CERS3: variants seen among roughly 807,000 people sequenced by gnomAD.
CERS3 encodes ceramide synthase 3.
Under a neutral mutation model 50.3 loss-of-function variants are expected in CERS3, and 33 were observed. The ratio of observed to expected loss-of-function variants is 0.66; its 90% CI spans 0.50 to 0.88. The LOEUF (loss-of-function observed/expected upper bound fraction) is 0.88. Ranked by LOEUF, CERS3 falls within the 40% of genes least tolerant of loss-of-function variation. The probability of loss-of-function intolerance (pLI) is 0.00; values close to 1 mark genes in which losing one functional copy is unlikely to be tolerated. For synonymous variants in CERS3, 176 were observed against 155.2 expected, an observed-to-expected ratio of 1.13 and a Z score of -0.99; for missense variants, 470 against 460.3, an observed-to-expected ratio of 1.02 and a Z score of -0.19.
intron 2 of CERS3, among the ~76,000 whole-genome samples, chr15:100,508,557 C>A (rs955930131): frequency 8.5e-5 from 13 of 152,312 alleles, no homozygotes; most frequent in Admixed American, 5.2e-4. Flanking sequence ...GTGAAAAATT[C>A]TTGAGCCTTC....
chr15:100,417,178 A>G (rs2031985268), intron 11 of CERS3, among the ~76,000 whole-genome samples: 1 of 151,688 alleles, frequency 6.6e-6, no homozygotes, highest in Non-Finnish European at 1.5e-5. Flanking sequence ...TACCAGGTTC[A>G]TCTCACTAGG....
chr15:100,442,692 C>T (rs1567618524), intron 11 of CERS3, among the ~76,000 whole-genome samples: 2 of 152,204 alleles, frequency 1.3e-5, no homozygotes, highest in African/African-American at 4.8e-5. Context: ...ACTCCCAGAG[C>T]CCCTGGAACT....
rs74042236 is a variant in CERS3, at chr15:100,535,391, T to G, written c.-354-6316A>C. ...GGGTTCATACCATGTGCCAGGCACA[T>G]CACATCTTTTGAAGGAGCTAAGGAT... On this transcript the variant is annotated intron_variant, in intron 1 of 12. Coordinates refer to the CERS3 transcript ENST00000284382. 3.2e-3 allele frequency among the ~76,000 whole-genome samples: 486 copies of G among 152,320 alleles called. 2 individuals carry two copies. The highest frequency in any genetic ancestry group is 0.011 in the African/African-American group (454 of 41,570).
At chr15:100,487,366 A>C (rs1271778368) in intron 4 of CERS3, among the ~76,000 whole-genome samples, 3 of 152,220 alleles carry the variant, frequency 2.0e-5, no homozygotes, top group Non-Finnish European at 4.4e-5. Flanking sequence ...TATATGTATT[A>C]ACTCAATTTG....
intron 11 of CERS3, among the ~76,000 whole-genome samples, chr15:100,429,334 A>G (rs961240412): frequency 1.3e-5 from 2 of 152,138 alleles, no homozygotes; most frequent in African/African-American, 4.8e-5. Flanking sequence ...GAAACTCTGG[A>G]GGCTATCGGA....
chr15:100,438,612 C>CT (rs35277612), intron 11 of CERS3, among the ~76,000 whole-genome samples: 78,027 of 152,068 alleles, frequency 0.51, 20,283 homozygotes, highest in Non-Finnish European at 0.56. Context: ...TGAATTTGGT[C>CT]TAGGCTTTGG....
Position 100,421,447 on chromosome 15 carries a change from T to C in CERS3, c.1000-18582A>G, listed in dbSNP as rs550390140. Among the ~76,000 whole-genome samples the C allele has an allele frequency of 2.6e-5, 4 of 152,144 alleles. No individual in the cohort carries two copies. The South Asian group carries it at 8.3e-4, about 32-fold the overall frequency. On this transcript the variant is annotated intron_variant, in intron 11 of 11. Transcript: ENST00000679737. The stretch of plus-strand genomic sequence containing the variant: ...GGAAGTAAAAGAGGATACAAACAAA[T>C]GGAAGAACATTCCATGCTCATGGGT...
At chr15:100,442,899 A>C (rs1487821497) in intron 11 of CERS3, among the ~76,000 whole-genome samples, 85 of 151,354 alleles carry the variant, frequency 5.6e-4, no homozygotes, top group African/African-American at 1.8e-3. Flanking sequence ...CCTTCTTTAC[A>C]AAGGCCTGTT....
chr15:100,458,402 T>C (rs2034443523), intron 10 of CERS3, among the ~76,000 whole-genome samples: 2 of 152,000 alleles, frequency 1.3e-5, no homozygotes, highest in Non-Finnish European at 2.9e-5. Context: ...CTGACCAACA[T>C]GGTGAAACCC....
At chr15:100,461,731 G>A (rs919069182) in intron 10 of CERS3, among the ~76,000 whole-genome samples, 1 of 152,112 alleles carries the variant, frequency 6.6e-6, no homozygotes, top group African/African-American at 2.4e-5. Flanking sequence ...TCCTGCCAAG[G>A]GGAAGAGGAG....
intron 11 of CERS3, among the ~76,000 whole-genome samples, chr15:100,436,900 A>T (rs767771498): frequency 1.3e-5 from 2 of 151,894 alleles, no homozygotes; most frequent in Non-Finnish European, 2.9e-5. Context: ...AAATGTGGTA[A>T]TCATGATGAT....
chr15:100,409,705 G>T (rs769561901), intron 11 of CERS3, among the ~76,000 whole-genome samples: 15 of 152,094 alleles, frequency 9.9e-5, no homozygotes, highest in Non-Finnish European at 2.1e-4. Context: ...GCCTCTTATT[G>T]TGTTGCCCTT....
intron 9 of CERS3, 37 bp from the exon 10 acceptor site, chr15:100,469,521 T>C (rs750774377): frequency 7.4e-7 from 1 of 1,353,336 alleles, no homozygotes; most frequent in East Asian, 2.3e-5. Flanking sequence ...AAAGTGACAA[T>C]AGCCTACATT....
At chr15:100,461,011 G>C (rs984096070) in intron 10 of CERS3, among the ~76,000 whole-genome samples, 1 of 152,270 alleles carries the variant, frequency 6.6e-6, no homozygotes, top group Non-Finnish European at 1.5e-5. Flanking sequence ...GGCAGTGAAG[G>C]GTGGTGTAAG....
intron 4 of CERS3, among the ~76,000 whole-genome samples, chr15:100,489,634 T>A (rs540758255): frequency 6.6e-6 from 1 of 152,192 alleles, no homozygotes; most frequent in Non-Finnish European, 1.5e-5. Flanking sequence ...TATCTTTTTT[T>A]AAACACAGCT....
intron 11 of CERS3, among the ~76,000 whole-genome samples, chr15:100,440,633 G>A (rs138199161): frequency 1.2e-3 from 189 of 152,300 alleles, no homozygotes; most frequent in African/African-American, 4.2e-3. Flanking sequence ...CTGGAGGGGG[G>A]GAACCTCCCT....
At chr15:100,417,854 A>G (rs2032075842) in intron 11 of CERS3, among the ~76,000 whole-genome samples, 1 of 151,858 alleles carries the variant, frequency 6.6e-6, no homozygotes, top group Admixed American at 6.6e-5. Flanking sequence ...ATTCCAACAG[A>G]CCTGCAGCTG....
intron 11 of CERS3, among the ~76,000 whole-genome samples, chr15:100,408,369 C>G (rs2031223340): frequency 6.6e-6 from 1 of 152,216 alleles, no homozygotes; most frequent in South Asian, 2.1e-4. Context: ...TCAGTCTGCA[C>G]TTGTAGCCTC....
chr15:100,432,548 C>G (rs934963828), intron 11 of CERS3, among the ~76,000 whole-genome samples: 5 of 152,120 alleles, frequency 3.3e-5, no homozygotes, highest in African/African-American at 9.7e-5. Flanking sequence ...TCAATAGAAA[C>G]AGAATTTTCA....
Sources: gnomAD v4.1 joint callset for allele counts (sites outside exome capture counted in the v4.1 genomes callset) on GRCh38, gnomAD v4.1.1 for gene constraint, MANE v1.5 for transcripts, NCBI Gene and HGNC (gene_info 2026-07-23, HGNC 2026-07-21) for gene names.